PACSIN2: variants seen among roughly 807,000 people sequenced by gnomAD.
The protein encoded by PACSIN2 is protein kinase C and casein kinase substrate in neurons 2.
A neutral mutation model predicts 63.8 loss-of-function variants in PACSIN2; 25 were observed. That is an observed-to-expected ratio of 0.39 (90% confidence interval 0.29 to 0.55). PACSIN2 has a LOEUF of 0.55. PACSIN2 is among the 20% of genes least tolerant of loss of function. The pLI is 0.62. For missense variants in PACSIN2, 518 were observed against 646.9 expected (o/e 0.80, Z 2.16); for synonymous variants, 255 against 256.2 (o/e 1.00, Z 0.05).
intron 1 of PACSIN2, among the ~76,000 whole-genome samples, chr22:42,991,028 G>C (rs903441671): frequency 6.6e-6 from 1 of 152,252 alleles, no homozygotes; most frequent in African/African-American, 2.4e-5. Flanking sequence ...AGTGCTTACA[G>C]CAGAAGAAAG....
chr22:42,986,193 G>A (rs1306826235), intron 1 of PACSIN2, among the ~76,000 whole-genome samples: 2 of 152,172 alleles, frequency 1.3e-5, no homozygotes, highest in African/African-American at 2.4e-5. Flanking sequence ...ATTTAAAAGA[G>A]GTAAATGATC....
intron 1 of PACSIN2, among the ~76,000 whole-genome samples, chr22:42,964,794 C>T (rs1319879898): frequency 6.6e-6 from 1 of 151,102 alleles, no homozygotes; most frequent in Non-Finnish European, 1.5e-5. Flanking sequence ...TGTAACTCCC[C>T]ATCTCCAGAA....
intron 1 of PACSIN2, among the ~76,000 whole-genome samples, chr22:42,935,331 T>C (rs1259436881): frequency 1.3e-5 from 2 of 152,078 alleles, no homozygotes; most frequent in Non-Finnish European, 2.9e-5. Flanking sequence ...CTGACCTAAC[T>C]CACCATTTCT....
At chr22:42,924,603 G>A (rs1932411484) in intron 1 of PACSIN2, among the ~76,000 whole-genome samples, 1 of 151,580 alleles carries the variant, frequency 6.6e-6, no homozygotes, top group Non-Finnish European at 1.5e-5. Flanking sequence ...TCTCCAACCC[G>A]CCACCACTGC....
At chr22:42,986,156 A>G (rs62231620) in intron 1 of PACSIN2, among the ~76,000 whole-genome samples, 2,120 of 152,336 alleles carry the variant, frequency 0.014, 22 homozygotes, top group Non-Finnish European at 0.023. Flanking sequence ...AAAACAAGAA[A>G]AGGAAGACCA....
intron 1 of PACSIN2, among the ~76,000 whole-genome samples, chr22:42,967,682 A>T (rs902961249): frequency 1.3e-5 from 2 of 152,066 alleles, no homozygotes; most frequent in African/African-American, 2.4e-5. Flanking sequence ...AGGTCAGGAG[A>T]TCAAGACCAT....
chr22:42,985,837 CCA>C (rs1922570041), intron 1 of PACSIN2, among the ~76,000 whole-genome samples: 1 of 152,194 alleles, frequency 6.6e-6, no homozygotes, highest in African/African-American at 2.4e-5. Context: ...CCCAGGTTCT[CCA>C]CAGTCTCATC....
intron 2 of PACSIN2, among the ~76,000 whole-genome samples, chr22:42,901,410 C>T (rs1370911319): frequency 3.3e-5 from 5 of 152,190 alleles, no homozygotes; most frequent in East Asian, 1.9e-4. Flanking sequence ...AAAATGCTTT[C>T]GATAACTTGT....
chr22:42,938,040 C>T (rs889325366), intron 1 of PACSIN2, among the ~76,000 whole-genome samples: 4 of 152,148 alleles, frequency 2.6e-5, no homozygotes, highest in Non-Finnish European at 5.9e-5. Context: ...ACAAAATCAT[C>T]ATGTTAAATA....
chr22:42,933,606 A>C (rs1422696282), intron 1 of PACSIN2, among the ~76,000 whole-genome samples: 1 of 152,162 alleles, frequency 6.6e-6, no homozygotes, highest in Non-Finnish European at 1.5e-5. Flanking sequence ...TATACTCTCA[A>C]CCGTGGCGCC....
intron 1 of PACSIN2, among the ~76,000 whole-genome samples, chr22:42,971,904 A>G (rs1227977623): frequency 1.8e-3 from 81 of 45,650 alleles, no homozygotes; most frequent in East Asian, 5.2e-3. Flanking sequence ...GGCAGCCTCC[A>G]CCCGGCCGCC....
rs756431066 is a variant in PACSIN2 at position 42,876,162 on chromosome 22, C to A, written c.1323G>T (p.Glu441Asp). ...CAGCCTTGAAGCTCAGCTCATCATG[C>A]TCCTGCCCCTCATAGTCATACAGGG... ...VRALYDYEGQ[E>D]HDELSFKAGD... The change falls in exon 10 of 11, where the codon GAG becomes GAT. Residue 441 changes from glutamate to aspartate, a missense_variant. Around this residue, in one of 2 missense-constraint regions of PACSIN2, gnomAD observed 507 missense variants for 612.3 expected, o/e 0.83. Coordinates refer to ENST00000263246, the MANE Select transcript of PACSIN2 (RefSeq NM_001184970.3). 2 of 1,614,128 alleles carry A rather than the reference C, an allele frequency of 1.2e-6. No homozygotes were observed. Among genetic ancestry groups the A allele is most frequent in the Non-Finnish European group, 1.7e-6 (2 of 1,179,926 alleles).
At chr22:42,943,755 C>T (rs1267549234) in intron 1 of PACSIN2, among the ~76,000 whole-genome samples, 3 of 152,076 alleles carry the variant, frequency 2.0e-5, no homozygotes, top group Non-Finnish European at 4.4e-5. Context: ...TTTTAAGCAA[C>T]TCAAAGAAAA....
At chr22:42,948,705 G>T (rs1199650362) in intron 1 of PACSIN2, among the ~76,000 whole-genome samples, 2 of 152,006 alleles carry the variant, frequency 1.3e-5, no homozygotes, top group African/African-American at 4.8e-5. Flanking sequence ...ATATTTTCTG[G>T]GCATCTATGC....
intron 1 of PACSIN2, among the ~76,000 whole-genome samples, chr22:43,006,098 T>C (rs1048386150): frequency 6.6e-6 from 1 of 152,168 alleles, no homozygotes; most frequent in African/African-American, 2.4e-5. Flanking sequence ...CAGCCACTCA[T>C]GCCTTTATAA....
chr22:42,887,784 A>G (rs1929602194), intron 5 of PACSIN2, among the ~76,000 whole-genome samples: 1 of 152,200 alleles, frequency 6.6e-6, no homozygotes, highest in Non-Finnish European at 1.5e-5. Flanking sequence ...CCTGCGGAGC[A>G]TGTAATAGTT....
chr22:42,971,143 C>A (rs1416759826), intron 1 of PACSIN2, among the ~76,000 whole-genome samples: 1 of 152,262 alleles, frequency 6.6e-6, no homozygotes, highest in Non-Finnish European at 1.5e-5. Flanking sequence ...CGAGCCAAAG[C>A]TGGACTGTAC....
intron 5 of PACSIN2, among the ~76,000 whole-genome samples, chr22:42,887,338 G>A (rs1438212653): frequency 1.3e-5 from 2 of 152,214 alleles, no homozygotes; most frequent in Non-Finnish European, 2.9e-5. Flanking sequence ...TGGGCTTGAG[G>A]TCAGAAGTTC....
intron 1 of PACSIN2, among the ~76,000 whole-genome samples, chr22:42,941,271 A>G (rs887442162): frequency 6.6e-6 from 1 of 152,212 alleles, no homozygotes; most frequent in Non-Finnish European, 1.5e-5. Flanking sequence ...TGAATATACC[A>G]CAATTTGTTT....
Sources: gnomAD v4.1 joint callset for allele counts (sites outside exome capture counted in the v4.1 genomes callset) on GRCh38, gnomAD v4.1.1 for gene constraint, gnomAD v4.1.1 regional missense constraint, MANE v1.5 for transcripts, NCBI Gene and HGNC (gene_info 2026-07-23, HGNC 2026-07-21) for gene names.